SAP130: variants seen among roughly 807,000 people sequenced by gnomAD.
The protein encoded by SAP130 is Sin3A associated protein 130, also known as histone deacetylase complex subunit SAP130.
SAP130 carries 16 observed loss-of-function variants against 103.2 expected under a neutral mutation model. That is an observed-to-expected ratio of 0.16 (90% CI 0.10 to 0.24). The LOEUF (loss-of-function observed/expected upper bound fraction) is 0.24, where lower values mean the gene tolerates loss of function less well. Among genes scored for constraint, SAP130 ranks in the 10% least tolerant of loss-of-function variants. The pLI is 1.00. For synonymous variants in SAP130, 477 were observed against 497.0 expected (o/e 0.96, Z 0.53); for missense variants, 990 against 1,359.7 (o/e 0.73, Z 4.28).
intron 15 of SAP130, among the ~76,000 whole-genome samples, chr2:127,960,132 G>A (rs1478674734): frequency 2.0e-5 from 3 of 152,212 alleles, no homozygotes; most frequent in Non-Finnish European, 4.4e-5. Context: ...AGACTGAAGA[G>A]TGTGGATAGA....
At chr2:128,010,176 C>T (rs1573821735) in intron 7 of SAP130, 93 bp downstream of exon 7, 2 of 1,372,508 alleles carry the variant, frequency 1.5e-6, no homozygotes, top group Non-Finnish European at 2.0e-6. Context: ...AAAAGCCACT[C>T]AATAAATATT....
intron 1 of SAP130, chr2:128,027,322 G>GC: frequency 4.4e-6 from 2 of 450,562 alleles, no homozygotes; most frequent in Non-Finnish European, 6.0e-6. Context: ...TGCCTCCCCC[G>GC]CCCGCCCATT....
chr2:128,004,355 T>G (rs1257260710), intron 7 of SAP130, among the ~76,000 whole-genome samples: 1 of 141,302 alleles, frequency 7.1e-6, no homozygotes, highest in Non-Finnish European at 1.5e-5. Context: ...AGGATTGCTT[T>G]CTTTCCTTTT....
At chr2:128,002,427 G>A (rs1294220370) in intron 7 of SAP130, among the ~76,000 whole-genome samples, 1 of 152,064 alleles carries the variant, frequency 6.6e-6, no homozygotes, top group Non-Finnish European at 1.5e-5. Context: ...TACTCCAGAG[G>A]CTGAGGGAGG....
At chr2:128,004,747 C>T (rs915396916) in intron 7 of SAP130, among the ~76,000 whole-genome samples, 6 of 152,074 alleles carry the variant, frequency 3.9e-5, no homozygotes, top group African/African-American at 1.2e-4. Context: ...GAATAGTGTG[C>T]GGGGGACCTA....
Position 127,953,834 on chromosome 2 carries a change from T to C in SAP130, c.2422+1152A>G, listed in dbSNP as rs1179543644. On this transcript the variant is annotated intron_variant, in intron 16 of 20. Coordinates refer to ENST00000643581, the MANE Select transcript of SAP130 (RefSeq NM_001330301.2). This position sits in a 1 kb window ranked among gnomAD's most constrained non-coding sequence, Gnocchi z 4.0. Reference sequence around the variant, plus strand: ...CCTGGCTACAGCTTTCCTTATATTTTGTCCCTGCTTTGTTTCTCCATAGAA... The same window carrying C: ...CCTGGCTACAGCTTTCCTTATATTTCGTCCCTGCTTTGTTTCTCCATAGAA... 2.6e-5 allele frequency among the ~76,000 whole-genome samples: 4 copies of C among 152,192 alleles called. No homozygotes were observed. The highest frequency in any genetic ancestry group is 2.6e-4 in the Admixed American group (4 of 15,264).
In SAP130 at chr2:127,964,513, AAAAAAG is replaced by A. The variant is rs200749727; in HGVS notation, c.2064-9175_2064-9170del. ...CCATCTCAAAAAAAAAAAAAAAAAA[AAAAAAG>A]TAAATTAAAAAAGCCACAATGAAAG... is the stretch of plus-strand genomic sequence containing the variant. On this transcript the variant is annotated intron_variant, in intron 15 of 20. Transcript: ENST00000643581. Among the ~76,000 whole-genome samples the A allele has an allele frequency of 9.3e-3, 1,394 of 150,542 alleles. 8 individuals are homozygous for A. Among genetic ancestry groups the A allele is most frequent in the Non-Finnish European group, 0.015 (1,015 of 67,506 alleles).
intron 14 of SAP130, among the ~76,000 whole-genome samples, chr2:127,983,103 T>C (rs184703395): frequency 1.3e-5 from 2 of 152,190 alleles, no homozygotes; most frequent in Non-Finnish European, 2.9e-5. Context: ...GGTTCCACTA[T>C]CACTAAAAAG....
chr2:127,968,048 C>T (rs1680786775), intron 15 of SAP130, among the ~76,000 whole-genome samples: 2 of 151,566 alleles, frequency 1.3e-5, no homozygotes, highest in African/African-American at 2.4e-5. Context: ...CGGTTTTGAA[C>T]ATATGCAGAA....
intron 7 of SAP130, among the ~76,000 whole-genome samples, chr2:128,007,029 C>A (rs1684029605): frequency 6.6e-6 from 1 of 152,114 alleles, no homozygotes; most frequent in Non-Finnish European, 1.5e-5. Context: ...GCTAAAAATG[C>A]ATTCAACAAA....
At chr2:128,022,624 T>C (rs1280644754) in intron 2 of SAP130, among the ~76,000 whole-genome samples, 1 of 152,220 alleles carries the variant, frequency 6.6e-6, no homozygotes, top group Non-Finnish European at 1.5e-5. Context: ...ACACTTGGTA[T>C]TGTCAGTCTT....
chr2:127,995,662 T>G (rs970314228), intron 11 of SAP130, among the ~76,000 whole-genome samples: 1 of 152,204 alleles, frequency 6.6e-6, no homozygotes, highest in Non-Finnish European at 1.5e-5. Context: ...TCTACAACTA[T>G]TGAATGAATG....
chr2:128,014,690 T>C, intron 5 of SAP130, 113 bp downstream of exon 5: 1 of 772,628 alleles, frequency 1.3e-6, no homozygotes, highest in Non-Finnish European at 2.2e-6. Flanking sequence ...CTGCAGACTG[T>C]TGTTCTGCAA....
intron 15 of SAP130, among the ~76,000 whole-genome samples, chr2:127,975,100 A>G (rs1356257296): frequency 6.6e-6 from 1 of 152,040 alleles, no homozygotes; most frequent in Non-Finnish European, 1.5e-5. Context: ...CCATGTAACT[A>G]ACAGATGCCC....
intron 2 of SAP130, among the ~76,000 whole-genome samples, chr2:128,020,968 C>A (rs1685111475): frequency 6.6e-6 from 1 of 151,918 alleles, no homozygotes; most frequent in Non-Finnish European, 1.5e-5. Flanking sequence ...CCAGCCTGGG[C>A]AACGAAGCAA....
chr2:127,986,695 T>C lies in SAP130; in HGVS notation c.1958+90A>G. 2 of 1,349,224 alleles carry C rather than the reference T, an allele frequency of 1.5e-6. No homozygotes were observed. The highest frequency in any genetic ancestry group is 1.4e-5 in the African/African-American group (1 of 68,986). The allele number at this position is 1,349,224 out of a possible 1,614,324, so 83.6% of individuals were successfully genotyped here. On this transcript the variant is annotated intron_variant, in intron 14 of 20. Transcript: ENST00000643581. This position sits in a 1 kb window ranked among gnomAD's most constrained non-coding sequence, Gnocchi z 4.7. The stretch of plus-strand genomic sequence containing the variant: ...ACACCACAGAAAATGAGAGATGAGT[T>C]TGATACCAGCATTAGATAAGAGTGC...
intron 6 of SAP130, among the ~76,000 whole-genome samples, chr2:128,010,818 C>T (rs900632724): frequency 5.3e-5 from 8 of 150,816 alleles, no homozygotes; most frequent in African/African-American, 4.9e-5. Flanking sequence ...GAGCCAAGAC[C>T]GCACCATTGC....
At chr2:128,005,361 A>G (rs1683878245) in intron 7 of SAP130, among the ~76,000 whole-genome samples, 1 of 152,186 alleles carries the variant, frequency 6.6e-6, no homozygotes, top group Admixed American at 6.5e-5. Flanking sequence ...AATCACCTGT[A>G]ATCCCAACAC....
In SAP130 at chr2:128,010,469, A is replaced by C. The variant is rs139738772; in HGVS notation, c.745-76T>G. On this transcript the variant is annotated intron_variant, in intron 6 of 20. Coordinates refer to ENST00000643581, the MANE Select transcript of SAP130 (RefSeq NM_001330301.2). ...AGTCAAATACTAAATGTGTAATTTG[A>C]AACTTGAGCCTACAGATAAGCATGT... is the stretch of plus-strand genomic sequence containing the variant. 2.2e-6 allele frequency: 3 copies of C among 1,391,218 alleles called. No homozygotes were observed. In the African/African-American group the frequency reaches 4.4e-5, roughly 20 times the overall value. The allele number at this position is 1,391,218 out of a possible 1,614,324, so 86.2% of individuals were successfully genotyped here.
Sources: gnomAD v4.1 joint callset for allele counts (sites outside exome capture counted in the v4.1 genomes callset) on GRCh38, gnomAD v4.1.1 for gene constraint, Gnocchi (gnomAD v3.1) non-coding constraint, MANE v1.5 for transcripts, NCBI Gene and HGNC (gene_info 2026-07-23, HGNC 2026-07-21) for gene names.